Variants in NEB observed in about 807,000 individuals in gnomAD.
NEB encodes nebulin.
NEB carries 512 observed loss-of-function variants against 952.2 expected under a neutral mutation model. That is an observed-to-expected ratio of 0.54 (90% CI 0.50 to 0.58). NEB has a LOEUF of 0.58. NEB is among the 20% of genes least tolerant of loss of function. The pLI, the probability that NEB is intolerant of heterozygous loss-of-function variation, is 0.00. For missense variants in NEB, 8,428 were observed against 9,231.1 expected (o/e 0.91, Z 3.56); for synonymous variants, 2,900 against 3,149.8 (o/e 0.92, Z 2.66).
rs775727770 is a variant in NEB, at chr2:151,565,747, C to T, written c.18230G>A (p.Arg6077Lys). Reference protein sequence around the residue: ...WIPLDSVDHVRVTKNQEMMSQ... With the variant: ...WIPLDSVDHVKVTKNQEMMSQ... ...CATCATTTCCTGGTTCTTAGTAACC[C>T]TTACATGGTCCACAGAATCCAGTGG... The change falls in exon 115 of 182, where the codon AGG (arginine) becomes AAG (lysine). Residue 6077 changes from arginine to lysine, a missense_variant. Physicochemically the swap from Arg to Lys is conservative, Grantham distance 26. Around this residue, in one of 11 missense-constraint regions of NEB, gnomAD observed 3,374 missense variants for 3,651.5 expected, o/e 0.92. Coordinates refer to ENST00000397345, the MANE Select transcript of NEB (RefSeq NM_001164508.2). The T allele has an allele frequency of 6.2e-7, 1 of 1,612,590 alleles. No individual in the cohort carries two copies. Among genetic ancestry groups the T allele is most frequent in the East Asian group, 2.2e-5 (1 of 44,790 alleles).
chr2:151,504,514 G>T lies in NEB; in HGVS notation c.23742+964C>A, dbSNP rs2067243016. Among the ~76,000 whole-genome samples, 3 of 152,320 alleles carry T rather than the reference G, an allele frequency of 2.0e-5. No individual in the cohort carries two copies. In the South Asian group the frequency reaches 6.2e-4, roughly 32 times the overall value. ...ACCACAAGGAAATCTGTACCACAGA[G>T]TATAAGCAGAGAGTGAGAAGGGAAT... On this transcript the variant is annotated intron_variant, in intron 165 of 181. Coordinates refer to ENST00000397345, the MANE Select transcript of NEB (RefSeq NM_001164508.2).
intron 68 of NEB, 98 bp from the exon 69 acceptor site, chr2:151,627,932 G>T (rs2098554951): frequency 7.0e-7 from 1 of 1,419,668 alleles, no homozygotes; most frequent in African/African-American, 1.4e-5. Context: ...GCTAATTCTT[G>T]CAGAGTAATG....
At chr2:151,706,155 C>T (rs1025409875) in intron 13 of NEB, among the ~76,000 whole-genome samples, 3 of 152,218 alleles carry the variant, frequency 2.0e-5, no homozygotes, top group Admixed American at 2.0e-4. Context: ...TACCCTCTCA[C>T]TTGCCACTTT....
intron 62 of NEB, 88 bp downstream of exon 62, chr2:151,639,769 T>G: frequency 8.5e-7 from 1 of 1,174,772 alleles, no homozygotes; most frequent in Non-Finnish European, 1.2e-6. Flanking sequence ...CTTTTATTAC[T>G]CAATGTTCTT....
chr2:151,543,350 C>G (rs2094331276), intron 135 of NEB, among the ~76,000 whole-genome samples: 3 of 152,130 alleles, frequency 2.0e-5, no homozygotes, highest in African/African-American at 7.2e-5. Flanking sequence ...TTATATACAA[C>G]TGCAAGTTAA....
At chr2:151,626,893 C>A in intron 70 of NEB, 109 bp downstream of exon 70, 1 of 1,332,842 alleles carries the variant, frequency 7.5e-7, no homozygotes, top group South Asian at 1.3e-5. Context: ...AATCACTATA[C>A]ATTGGATAGC....
At chr2:151,576,826 C>A (rs890376094) in intron 105 of NEB, among the ~76,000 whole-genome samples, 1 of 151,948 alleles carries the variant, frequency 6.6e-6, no homozygotes, top group African/African-American at 2.4e-5. Context: ...TGAGCCACTA[C>A]GCCAGGCCTC....
intron 13 of NEB, 46 bp downstream of exon 13, chr2:151,706,835 C>G: frequency 7.2e-7 from 1 of 1,385,208 alleles, no homozygotes; most frequent in Non-Finnish European, 1.0e-6. Flanking sequence ...ATTTTCATCT[C>G]TTTTGCAGCT....
intron 20 of NEB, 110 bp downstream of exon 20, chr2:151,694,213 T>C (rs74532673): frequency 0.042 from 39,330 of 933,180 alleles, 1,789 homozygotes; most frequent in East Asian, 0.15. Flanking sequence ...ATGTGTGATT[T>C]GTCATCTTGA....
intron 53 of NEB, 66 bp downstream of exon 53, chr2:151,650,508 G>T: frequency 1.3e-6 from 2 of 1,489,802 alleles, no homozygotes; most frequent in South Asian, 1.3e-5. Flanking sequence ...GCTTCTCTTT[G>T]ACTAAATAGC....
At chr2:151,497,847 A>C in intron 170 of NEB, 129 bp from the exon 171 acceptor site, 2 of 1,518,570 alleles carry the variant, frequency 1.3e-6, no homozygotes, top group East Asian at 2.5e-5. Flanking sequence ...AATGCCACCG[A>C]CTACTTTAGT....
intron 169 of NEB, 108 bp downstream of exon 169, chr2:151,499,186 AAGAC>A (rs1008177849): frequency 1.4e-5 from 8 of 559,114 alleles, no homozygotes; most frequent in African/African-American, 7.7e-5. Flanking sequence ...AGTTGGGAAA[AAGAC>A]AGGTCAAATT....
intron 138 of NEB, 146 bp downstream of exon 138, chr2:151,540,197 AT>A (rs908643523): frequency 4.5e-4 from 195 of 434,548 alleles, no homozygotes; most frequent in African/African-American, 1.4e-3. Flanking sequence ...TTGTTTGGGC[AT>A]TTTTTTTTCT....
Position 151,559,126 on chromosome 2 carries a change from C to T in NEB, c.19314+1466G>A, listed in dbSNP as rs79843913. On this transcript the variant is annotated intron_variant, in intron 124 of 181. Transcript: ENST00000397345. ...ACAAACAACCCCATCAAAAAGTAGG[C>T]GAAGGATATGAACAGACACTTCTCA... Among the ~76,000 whole-genome samples, 1,010 of 152,128 alleles carry T rather than the reference C, an allele frequency of 6.6e-3. 11 individuals carry two copies. The highest frequency in any genetic ancestry group is 8.7e-3 in the Non-Finnish European group (592 of 67,990).
chr2:151,514,788 G>C lies in NEB; in HGVS notation c.23016+30C>G, dbSNP rs536730527. ...TCACTAGTGCAATTATTTGGATTAA[G>C]AGGGAAAGAAAAGACCAAGTGGGCA... is the stretch of plus-strand genomic sequence containing the variant. On this transcript the variant is annotated intron_variant, in intron 158 of 181. Coordinates refer to ENST00000397345, the MANE Select transcript of NEB (RefSeq NM_001164508.2). The C allele has an allele frequency of 8.2e-5, 115 of 1,410,598 alleles. 2 individuals carry two copies. In the African/African-American group the frequency reaches 1.5e-3, roughly 19 times the overall value. The allele number at this position is 1,410,598 out of a possible 1,614,324, so 87.4% of individuals were successfully genotyped here.
intron 176 of NEB, chr2:151,493,117 T>C (rs1260810910): frequency 2.4e-5 from 11 of 449,062 alleles, no homozygotes; most frequent in Non-Finnish European, 4.4e-5. Context: ...TAACTTGTTA[T>C]GTTTAGTATG....
intron 64 of NEB, 46 bp downstream of exon 64, chr2:151,636,181 G>T (rs1304587820): frequency 6.8e-7 from 1 of 1,466,564 alleles, no homozygotes; most frequent in Admixed American, 1.8e-5. Flanking sequence ...CAGTGAAAAT[G>T]CCACATTAGA....
rs1245414023 is a variant in NEB at position 151,485,499 on chromosome 2, T to C, written c.*261A>G. The C allele has an allele frequency of 3.1e-6, 1 of 319,022 alleles. No individual in the cohort carries two copies. Among genetic ancestry groups the C allele is most frequent in the African/African-American group, 2.1e-5 (1 of 47,176 alleles). 19.8% of individuals were successfully genotyped at this position (319,022 alleles called of 1,614,324 possible). On this transcript the variant is annotated 3_prime_UTR_variant, in exon 182 of 182. Coordinates refer to ENST00000397345, the MANE Select transcript of NEB (RefSeq NM_001164508.2). ...TGTTTGGCATATTCAAAATCCCTGT[T>C]TTAGAAAAGAAATAATGTTAAAACA...
In NEB at chr2:151,633,634, T is replaced by C; in HGVS notation, c.9414+20A>G. On this transcript the variant is annotated intron_variant, in intron 65 of 181. Transcript: ENST00000397345. ...TAAATTATTTCTATGCACAGCTCCA[T>C]TTATAGATGCTGTACTCACGTCACT... is the stretch of plus-strand genomic sequence containing the variant. The C allele has an allele frequency of 6.3e-7, 1 of 1,595,752 alleles. No homozygotes were observed. The highest frequency in any genetic ancestry group is 8.6e-7 in the Non-Finnish European group (1 of 1,167,452).
Sources: gnomAD v4.1 joint callset for allele counts (sites outside exome capture counted in the v4.1 genomes callset) on GRCh38, gnomAD v4.1.1 for gene constraint, gnomAD v4.1.1 regional missense constraint, MANE v1.5 for transcripts, NCBI Gene and HGNC (gene_info 2026-07-23, HGNC 2026-07-21) for gene names.